The following MPP7 variants were observed in gnomAD, a reference collection of about 807,000 sequenced individuals.
The protein encoded by MPP7 is MAGUK p55 subfamily member 7.
MPP7 carries 60 observed loss-of-function variants against 76.5 expected under a neutral mutation model. The observed-to-expected ratio is 0.78, with a 90% CI of 0.64 to 0.97. MPP7 has a LOEUF of 0.97. Ranked by LOEUF, MPP7 falls within the 50% of genes least tolerant of loss-of-function variation. The pLI is 0.00. For synonymous variants in MPP7, 237 were observed against 244.5 expected (o/e 0.97, Z 0.29); for missense variants, 641 against 694.0 (o/e 0.92, Z 0.86).
intron 1 of MPP7, among the ~76,000 whole-genome samples, chr10:28,277,182 G>T (rs1589019875): frequency 6.6e-6 from 1 of 151,946 alleles, no homozygotes. Context: ...GCAAGATCCT[G>T]TCTCCAAATC....
At chr10:28,237,374 A>G (rs1839112467) in intron 2 of MPP7, among the ~76,000 whole-genome samples, 1 of 152,170 alleles carries the variant, frequency 6.6e-6, no homozygotes, top group African/African-American at 2.4e-5. Context: ...CTGGCTTCCA[A>G]GTTAAGGTCT....
intron 2 of MPP7, among the ~76,000 whole-genome samples, chr10:28,308,277 C>G (rs578034677): frequency 2.6e-5 from 4 of 152,162 alleles, no homozygotes; most frequent in South Asian, 4.1e-4. Context: ...TCAGTGTTCT[C>G]TCTCTCCACC....
chr10:28,070,277 T>A (rs898154997), intron 12 of MPP7, among the ~76,000 whole-genome samples: 22 of 152,058 alleles, frequency 1.4e-4, no homozygotes, highest in Non-Finnish European at 2.6e-4. Flanking sequence ...CGGGTGCCTG[T>A]AGTCCCAGCT....
chr10:28,059,623 T>A (rs1246525349), intron 14 of MPP7, 27 bp downstream of exon 14: 2 of 1,542,202 alleles, frequency 1.3e-6, no homozygotes, highest in Non-Finnish European at 1.8e-6. Context: ...AACAGTCACA[T>A]GAAAATTCTC....
At position 28,257,687 on chromosome 10, in the gene MPP7, T is replaced by A. The variant is rs546375908; in HGVS notation, c.-131-18952A>T. ...GTGCAGCGCACCAGCATGGCACATG[T>A]ATACACATGTAACTAACCTGCACAA... On this transcript the variant is annotated intron_variant, in intron 1 of 16. Coordinates refer to ENST00000683449, the MANE Select transcript of MPP7 (RefSeq NM_001318170.2). Among the ~76,000 whole-genome samples the A allele has an allele frequency of 2.3e-4, 34 of 150,644 alleles. 1 individual carries two copies. The highest frequency in any genetic ancestry group is 8.1e-4 in the African/African-American group (33 of 40,956).
intron 2 of MPP7, among the ~76,000 whole-genome samples, chr10:28,325,854 T>C (rs1027975626): frequency 6.6e-6 from 1 of 151,824 alleles, no homozygotes; most frequent in African/African-American, 2.4e-5. Context: ...TGAACACCTA[T>C]AGTCCCAGCT....
At chr10:28,128,634 A>G (rs1181327081) in intron 6 of MPP7, among the ~76,000 whole-genome samples, 2 of 152,184 alleles carry the variant, frequency 1.3e-5, no homozygotes, top group African/African-American at 4.8e-5. Flanking sequence ...CTTTTGGCTG[A>G]GCAGCTGGAA....
At chr10:28,178,659 C>T (rs1201161135) in intron 3 of MPP7, among the ~76,000 whole-genome samples, 1 of 152,056 alleles carries the variant, frequency 6.6e-6, no homozygotes, top group African/African-American at 2.4e-5. Flanking sequence ...TTCTTCTAAT[C>T]TTTACAATGG....
intron 15 of MPP7, chr10:28,057,705 G>A (rs1851617094): frequency 7.9e-7 from 1 of 1,270,952 alleles, no homozygotes; most frequent in South Asian, 1.2e-5. Flanking sequence ...GCCCAAGTCA[G>A]GAGGCAGCCT....
At chr10:28,323,760 TCA>T (rs1388952397) in intron 2 of MPP7, among the ~76,000 whole-genome samples, 1 of 152,114 alleles carries the variant, frequency 6.6e-6, no homozygotes, top group Non-Finnish European at 1.5e-5. Context: ...TGAATGAAGT[TCA>T]GTCTCCAGTC....
rs575283365 is a variant in MPP7 at position 28,108,829 on chromosome 10, T to C, written c.952+10822A>G. On this transcript the variant is annotated intron_variant, in intron 11 of 16. Coordinates refer to ENST00000683449, the MANE Select transcript of MPP7 (RefSeq NM_001318170.2). The stretch of plus-strand genomic sequence containing the variant: ...AAGATCATTTTAATGCCTTGAGCAA[T>C]TTCTAAATATTTTCGTGTATAACAA... Among the ~76,000 whole-genome samples the C allele has an allele frequency of 4.2e-3, 645 of 152,232 alleles. 7 individuals carry two copies. The highest frequency in any genetic ancestry group is 0.015 in the African/African-American group (615 of 41,538).
rs192270968 is a variant in MPP7 at position 28,140,841 on chromosome 10, A to G, written c.315+6642T>C. 3.5e-3 allele frequency among the ~76,000 whole-genome samples: 535 copies of G among 152,306 alleles called. 4 individuals carry two copies. The highest frequency in any genetic ancestry group is 0.012 in the African/African-American group (517 of 41,574). On this transcript the variant is annotated intron_variant, in intron 5 of 16. Coordinates refer to ENST00000683449, the MANE Select transcript of MPP7 (RefSeq NM_001318170.2). ...AAACTTTCCCCAGAGATGGCACTGG[A>G]ACCAAATGAAGGGTTGTATTAAAGT...
At chr10:28,217,286 T>C (rs985144880) in intron 2 of MPP7, among the ~76,000 whole-genome samples, 3 of 152,040 alleles carry the variant, frequency 2.0e-5, no homozygotes, top group African/African-American at 7.2e-5. Context: ...CCCAGAACTT[T>C]GGGAGGCCAA....
Position 28,053,677 on chromosome 10 carries a change from T to C in MPP7, c.*388A>G, listed in dbSNP as rs1208648389. 5.5e-6 allele frequency: 1 copy of C among 181,684 alleles called. No individual in the cohort carries two copies. The highest frequency in any genetic ancestry group is 6.2e-5 in the Admixed American group (1 of 16,108). The allele number at this position is 181,684 out of a possible 1,614,324, so 11.3% of individuals were successfully genotyped here. A position where few individuals can be genotyped will look rare whatever the true frequency, so the allele number is the denominator to read the frequency against. The stretch of plus-strand genomic sequence containing the variant: ...GAGCTGCTCATGGCTGCTGAATTGA[T>C]ACCTTCAACAGCTAACATTCAAACT... On this transcript the variant is annotated 3_prime_UTR_variant, in exon 17 of 17. Coordinates refer to ENST00000683449, the MANE Select transcript of MPP7 (RefSeq NM_001318170.2).
chr10:28,121,434 A>G (rs542424369), intron 8 of MPP7, among the ~76,000 whole-genome samples: 30 of 152,168 alleles, frequency 2.0e-4, no homozygotes, highest in African/African-American at 7.2e-4. Context: ...AAGAACATTC[A>G]TATCTATTGT....
intron 1 of MPP7, among the ~76,000 whole-genome samples, chr10:28,245,541 G>A (rs763980733): frequency 1.4e-4 from 22 of 152,118 alleles, no homozygotes; most frequent in African/African-American, 4.3e-4. Context: ...CCCAAGCCCC[G>A]CCTTACTGAC....
intron 2 of MPP7, among the ~76,000 whole-genome samples, chr10:28,310,762 C>G (rs1024921181): frequency 8.5e-5 from 13 of 152,152 alleles, no homozygotes; most frequent in African/African-American, 2.4e-4. Flanking sequence ...AGAGGACCCT[C>G]AGGTATTTTT....
intron 11 of MPP7, chr10:28,118,766 C>T: frequency 1.0e-6 from 1 of 985,410 alleles, no homozygotes; most frequent in Non-Finnish European, 1.2e-6. Context: ...TACAGTTTGG[C>T]TCCCTTCTAA....
At chr10:28,294,147 A>T (rs547094492) in intron 1 of MPP7, among the ~76,000 whole-genome samples, 1 of 152,280 alleles carries the variant, frequency 6.6e-6, no homozygotes, top group South Asian at 2.1e-4. Flanking sequence ...CTCTACTAAA[A>T]ATACAAAAAA....
Sources: gnomAD v4.1 joint callset for allele counts (sites outside exome capture counted in the v4.1 genomes callset) on GRCh38, gnomAD v4.1.1 for gene constraint, MANE v1.5 for transcripts, NCBI Gene and HGNC (gene_info 2026-07-23, HGNC 2026-07-21) for gene names.